Variants in CDK14 observed in about 807,000 individuals in gnomAD.
The protein encoded by CDK14 is cyclin-dependent kinase 14.
CDK14 carries 34 observed loss-of-function variants against 60.7 expected under a neutral mutation model. The observed-to-expected ratio is 0.56, with a 90% confidence interval of 0.43 to 0.75. The LOEUF is 0.75. Ranked by LOEUF, CDK14 falls within the 30% of genes least tolerant of loss-of-function variation. The pLI, the probability that CDK14 is intolerant of heterozygous loss-of-function variation, is 0.00. For missense variants in CDK14, 482 were observed against 564.1 expected (o/e 0.85, Z 1.47); for synonymous variants, 197 against 203.7 (o/e 0.97, Z 0.28).
At chr7:90,935,073 T>G (rs1294803876) in intron 8 of CDK14, among the ~76,000 whole-genome samples, 1 of 152,232 alleles carries the variant, frequency 6.6e-6, no homozygotes, top group Non-Finnish European at 1.5e-5. Flanking sequence ...GAAGGCCTTC[T>G]TGCTGTGTCA....
chr7:90,722,296 C>T (rs1584822141), intron 2 of CDK14, among the ~76,000 whole-genome samples: 1 of 152,240 alleles, frequency 6.6e-6, no homozygotes, highest in East Asian at 1.9e-4. Context: ...TTTGCCCTCC[C>T]TGGCTCAAGA....
At chr7:90,610,906 T>C (rs1389541470) in intron 2 of CDK14, among the ~76,000 whole-genome samples, 2 of 152,148 alleles carry the variant, frequency 1.3e-5, no homozygotes, top group African/African-American at 2.4e-5. Context: ...TGGACACAAT[T>C]CAACCTGTAA....
At chr7:90,738,108 T>TAACCCACATAACAC (rs1803195804) in intron 3 of CDK14, among the ~76,000 whole-genome samples, 5 of 147,794 alleles carry the variant, frequency 3.4e-5, no homozygotes, top group Non-Finnish European at 7.6e-5. Flanking sequence ...GGGTGAGGGT[T>TAACCCACATAACAC]AGGACTCTGT....
chr7:91,046,531 A>G (rs1797242328), intron 11 of CDK14, among the ~76,000 whole-genome samples: 1 of 152,044 alleles, frequency 6.6e-6, no homozygotes, highest in African/African-American at 2.4e-5. Context: ...TTTTTTCACC[A>G]GTAGGTGTCA....
chr7:91,171,988 T>C (rs184882352), intron 14 of CDK14, among the ~76,000 whole-genome samples: 202 of 152,358 alleles, frequency 1.3e-3, no homozygotes, highest in Middle Eastern at 6.8e-3. Flanking sequence ...TTTCTACAGT[T>C]GATTAGATTT....
At chr7:90,863,375 T>TGC in intron 6 of CDK14, 106 bp downstream of exon 6, 1 of 576,924 alleles carries the variant, frequency 1.7e-6, no homozygotes, top group Non-Finnish European at 3.0e-6. Flanking sequence ...AAGTTAATAT[T>TGC]TTATCTGAAT....
At chr7:90,652,076 TC>T (rs941479541) in intron 2 of CDK14, among the ~76,000 whole-genome samples, 1 of 152,064 alleles carries the variant, frequency 6.6e-6, no homozygotes, top group African/African-American at 2.4e-5. Context: ...AGCACTTACT[TC>T]CCCTCATCTT....
At chr7:90,758,880 A>G in intron 4 of CDK14, among the ~76,000 whole-genome samples, 1 of 152,172 alleles carries the variant, frequency 6.6e-6, no homozygotes, top group East Asian at 1.9e-4. Context: ...ACATGGTGAA[A>G]GCCTGTCCCT....
At chr7:90,968,072 G>A (rs142786057) in intron 9 of CDK14, among the ~76,000 whole-genome samples, 7 of 152,248 alleles carry the variant, frequency 4.6e-5, no homozygotes, top group African/African-American at 1.7e-4. Flanking sequence ...TTACCTGGAG[G>A]TTATTTTAAT....
intron 11 of CDK14, among the ~76,000 whole-genome samples, chr7:91,070,634 C>T (rs966080218): frequency 5.3e-5 from 8 of 152,086 alleles, no homozygotes; most frequent in African/African-American, 1.9e-4. Flanking sequence ...GTGGCATGCT[C>T]CTGTAGTCCC....
chr7:91,172,694 G>T (rs1402888223), intron 14 of CDK14, among the ~76,000 whole-genome samples: 2 of 152,154 alleles, frequency 1.3e-5, no homozygotes, highest in Admixed American at 1.3e-4. Context: ...TACAGAACAT[G>T]CCTCACTCTC....
chr7:90,674,845 C>T (rs1396409116), intron 2 of CDK14, among the ~76,000 whole-genome samples: 10 of 152,304 alleles, frequency 6.6e-5, no homozygotes, highest in South Asian at 4.2e-4. Context: ...CAAACAGGCA[C>T]TTTTCTCACC....
chr7:90,735,214 C>T (rs1803042661), intron 3 of CDK14, among the ~76,000 whole-genome samples: 1 of 152,148 alleles, frequency 6.6e-6, no homozygotes, highest in Non-Finnish European at 1.5e-5. Flanking sequence ...CACCAGATGC[C>T]AGCCAGAATT....
intron 5 of CDK14, among the ~76,000 whole-genome samples, chr7:90,808,514 G>T (rs999260376): frequency 1.8e-4 from 28 of 152,236 alleles, no homozygotes; most frequent in South Asian, 2.1e-4. Flanking sequence ...GCAAAAACAT[G>T]CCAAGTTGTA....
intron 3 of CDK14, among the ~76,000 whole-genome samples, chr7:90,734,055 C>T (rs1200408587): frequency 6.6e-6 from 1 of 152,114 alleles, no homozygotes; most frequent in Non-Finnish European, 1.5e-5. Context: ...TTTTATTTCT[C>T]CTTCCCTTAT....
chr7:90,672,961 A>G (rs968285316), intron 2 of CDK14, among the ~76,000 whole-genome samples: 1 of 151,986 alleles, frequency 6.6e-6, no homozygotes, highest in Non-Finnish European at 1.5e-5. Flanking sequence ...TTATTCTAAG[A>G]TACTGGACAC....
intron 14 of CDK14, among the ~76,000 whole-genome samples, chr7:91,137,317 T>A (rs1373084646): frequency 6.6e-6 from 1 of 152,154 alleles, no homozygotes; most frequent in African/African-American, 2.4e-5. Context: ...AGCACAGTGC[T>A]GTGTTCTCTT....
At chr7:90,684,045 T>C (rs1311636271) in intron 2 of CDK14, among the ~76,000 whole-genome samples, 1 of 152,192 alleles carries the variant, frequency 6.6e-6, no homozygotes, top group Non-Finnish European at 1.5e-5. Context: ...TCCATCCCTG[T>C]AGAGGTTTTT....
At chr7:91,139,386 A>G (rs1371841592) in intron 14 of CDK14, among the ~76,000 whole-genome samples, 2 of 152,194 alleles carry the variant, frequency 1.3e-5, no homozygotes, top group Admixed American at 6.5e-5. Context: ...ATGTGCATTT[A>G]TATCTATACT....
Sources: gnomAD v4.1 joint callset for allele counts (sites outside exome capture counted in the v4.1 genomes callset) on GRCh38, gnomAD v4.1.1 for gene constraint, MANE v1.5 for transcripts, NCBI Gene and HGNC (gene_info 2026-07-23, HGNC 2026-07-21) for gene names.